Variants in RALGAPA2 observed in about 807,000 individuals in gnomAD.
RALGAPA2 encodes Ral GTPase activating protein catalytic subunit alpha 2.
In RALGAPA2, 139 loss-of-function variants were observed where a neutral mutation model predicts 230.4. That is an observed-to-expected ratio of 0.60 (90% CI 0.53 to 0.69). RALGAPA2 has a LOEUF of 0.69. Ranked by LOEUF, RALGAPA2 falls within the 30% of genes least tolerant of loss-of-function variation. The pLI is 0.00. For synonymous variants in RALGAPA2, 847 were observed against 837.8 expected, an observed-to-expected ratio of 1.01 and a Z score of -0.19; for missense variants, 2,163 against 2,276.0, an observed-to-expected ratio of 0.95 and a Z score of 1.01.
chr20:20,596,858 T>C (rs1369699891), intron 16 of RALGAPA2, among the ~76,000 whole-genome samples: 2 of 152,208 alleles, frequency 1.3e-5, no homozygotes, highest in East Asian at 1.9e-4. Flanking sequence ...TTGCAGACTA[T>C]TCAGCAGCAT....
intron 35 of RALGAPA2, among the ~76,000 whole-genome samples, chr20:20,499,962 G>A (rs1288278310): frequency 6.6e-6 from 1 of 152,168 alleles, no homozygotes; most frequent in Non-Finnish European, 1.5e-5. Context: ...AAACTTTTGT[G>A]TGCACTGGGA....
intron 37 of RALGAPA2, among the ~76,000 whole-genome samples, chr20:20,462,450 C>T (rs6132300): frequency 0.03 from 4,584 of 152,202 alleles, 161 homozygotes; most frequent in East Asian, 0.14. Context: ...GGCACCAGCA[C>T]AGAACCCTGC....
chr20:20,444,850 A>G (rs557354790), intron 37 of RALGAPA2, among the ~76,000 whole-genome samples: 1 of 152,372 alleles, frequency 6.6e-6, no homozygotes, highest in African/African-American at 2.4e-5. Context: ...TAAATGGAAG[A>G]TTCCAGAAGT....
intron 39 of RALGAPA2, 48 bp from the exon 40 acceptor site, chr20:20,393,301 C>T: frequency 8.1e-7 from 1 of 1,227,040 alleles, no homozygotes; most frequent in East Asian, 5.3e-5. Flanking sequence ...AACGGCGGCT[C>T]TACGGCCACA....
chr20:20,567,857 TAATAA>T (rs10525989), intron 23 of RALGAPA2, among the ~76,000 whole-genome samples: 35,143 of 124,920 alleles, frequency 0.28, 5,265 homozygotes, highest in Non-Finnish European at 0.32. Flanking sequence ...AAAAAAGCAA[TAATAA>T]AATAAAATAA....
intron 35 of RALGAPA2, among the ~76,000 whole-genome samples, chr20:20,500,489 CCAGT>C (rs1602559117): frequency 1.3e-5 from 2 of 152,330 alleles, no homozygotes; most frequent in East Asian, 1.9e-4. Context: ...AACTTTTCAT[CCAGT>C]CAAATTTTAT....
intron 24 of RALGAPA2, 50 bp downstream of exon 24, chr20:20,546,654 C>G: frequency 6.6e-7 from 1 of 1,519,872 alleles, no homozygotes. Flanking sequence ...ACCTTGTTAG[C>G]GATTGTGAAG....
chr20:20,483,984 AG>A (rs1444282528), intron 36 of RALGAPA2, among the ~76,000 whole-genome samples: 1 of 152,188 alleles, frequency 6.6e-6, no homozygotes, highest in Admixed American at 6.5e-5. Flanking sequence ...TCCTGCATAA[AG>A]GTCAGAACAG....
intron 30 of RALGAPA2, among the ~76,000 whole-genome samples, chr20:20,523,566 A>G (rs1425924846): frequency 6.6e-6 from 1 of 152,234 alleles, no homozygotes; most frequent in Non-Finnish European, 1.5e-5. Context: ...GTAGATTTCA[A>G]AATAGCTAGA....
intron 35 of RALGAPA2, among the ~76,000 whole-genome samples, chr20:20,499,746 A>C (rs955072019): frequency 6.6e-6 from 1 of 152,212 alleles, no homozygotes; most frequent in Non-Finnish European, 1.5e-5. Context: ...TTTTGAACGC[A>C]AATTGTACTT....
At chr20:20,562,893 A>C (rs1221535362) in intron 23 of RALGAPA2, among the ~76,000 whole-genome samples, 3 of 152,240 alleles carry the variant, frequency 2.0e-5, no homozygotes, top group African/African-American at 4.8e-5. Context: ...ATCTATCTGA[A>C]GTCTTTATGG....
chr20:20,559,295 G>C (rs1409238937), intron 23 of RALGAPA2, among the ~76,000 whole-genome samples: 1 of 152,192 alleles, frequency 6.6e-6, no homozygotes, highest in African/African-American at 2.4e-5. Flanking sequence ...AGGCCTGGAT[G>C]AATTAGAATG....
At chr20:20,521,228 C>T in intron 30 of RALGAPA2, 128 bp from the exon 31 acceptor site, 2 of 676,864 alleles carry the variant, frequency 3.0e-6, no homozygotes, top group Non-Finnish European at 4.8e-6. Context: ...GGAATGACCA[C>T]TCTTAAATAT....
chr20:20,535,703 T>G, intron 26 of RALGAPA2, 42 bp downstream of exon 26: 1 of 1,530,656 alleles, frequency 6.5e-7, no homozygotes, highest in African/African-American at 1.4e-5. Context: ...TAAATGTGTA[T>G]CTTAAAATTC....
At chr20:20,508,292 C>T (rs1050495087) in intron 33 of RALGAPA2, among the ~76,000 whole-genome samples, 1 of 152,240 alleles carries the variant, frequency 6.6e-6, no homozygotes, top group East Asian at 1.9e-4. Context: ...CAGCACTTCA[C>T]ATCCATAAGA....
chr20:20,459,473 G>C (rs535090376), intron 37 of RALGAPA2, among the ~76,000 whole-genome samples: 1 of 148,002 alleles, frequency 6.8e-6, no homozygotes, highest in East Asian at 2.0e-4. Context: ...ATAAGAAAAA[G>C]CCTGCAGGCT....
At chr20:20,711,438 G>A (rs1295019843) in intron 1 of RALGAPA2, among the ~76,000 whole-genome samples, 1 of 152,148 alleles carries the variant, frequency 6.6e-6, no homozygotes, top group Non-Finnish European at 1.5e-5. Context: ...GATAGCAAAG[G>A]TGTTTTCATC....
intron 37 of RALGAPA2, among the ~76,000 whole-genome samples, chr20:20,433,361 T>C (rs1462082514): frequency 6.6e-6 from 1 of 152,120 alleles, no homozygotes; most frequent in Non-Finnish European, 1.5e-5. Flanking sequence ...GGGCTTCTCA[T>C]ACAATATCTT....
At chr20:20,453,713 G>A (rs1193817737) in intron 37 of RALGAPA2, among the ~76,000 whole-genome samples, 2 of 152,146 alleles carry the variant, frequency 1.3e-5, no homozygotes, top group Non-Finnish European at 2.9e-5. Context: ...TCCCTAATGT[G>A]CTCTGTATTC....
Sources: gnomAD v4.1 joint callset for allele counts (sites outside exome capture counted in the v4.1 genomes callset) on GRCh38, gnomAD v4.1.1 for gene constraint, MANE v1.5 for transcripts, NCBI Gene and HGNC (gene_info 2026-07-23, HGNC 2026-07-21) for gene names.